Variants in DCC observed in about 807,000 individuals in gnomAD.
DCC encodes DCC netrin 1 receptor.
DCC carries 58 observed loss-of-function variants against 172.5 expected under a neutral mutation model. That is an observed-to-expected ratio of 0.34 (90% CI 0.27 to 0.42). The LOEUF is 0.42. Among genes scored for constraint, DCC ranks in the 10% least tolerant of loss-of-function variants. DCC has a pLI of 1.00. For synonymous variants in DCC, 709 were observed against 644.5 expected, an observed-to-expected ratio of 1.10 and a Z score of -1.52; for missense variants, 1,740 against 1,791.0, an observed-to-expected ratio of 0.97 and a Z score of 0.51.
chr18:52,586,760 G>A (rs180929348), intron 1 of DCC, among the ~76,000 whole-genome samples: 1 of 152,298 alleles, frequency 6.6e-6, no homozygotes, highest in South Asian at 2.1e-4. Context: ...AGCATACATG[G>A]CCTTCTGGAG....
chr18:53,047,620 T>C (rs2042274541), intron 5 of DCC, among the ~76,000 whole-genome samples: 1 of 150,634 alleles, frequency 6.6e-6, no homozygotes, highest in Non-Finnish European at 1.5e-5. Flanking sequence ...AGTCTCAAGC[T>C]TTTACACAGA....
chr18:52,392,486 T>C (rs1017945154), intron 1 of DCC, among the ~76,000 whole-genome samples: 2 of 152,144 alleles, frequency 1.3e-5, no homozygotes, highest in Non-Finnish European at 2.9e-5. Context: ...GAAAGGGTAG[T>C]ATATGTGTAA....
At chr18:52,620,085 C>A (rs188397694) in intron 1 of DCC, among the ~76,000 whole-genome samples, 1 of 152,308 alleles carries the variant, frequency 6.6e-6, no homozygotes, top group Admixed American at 6.5e-5. Context: ...CATTGGTTTT[C>A]AGATTTGCCA....
At chr18:52,516,967 A>G (rs1487873300) in intron 1 of DCC, among the ~76,000 whole-genome samples, 2 of 152,196 alleles carry the variant, frequency 1.3e-5, no homozygotes, top group Non-Finnish European at 1.5e-5. Context: ...TTTTTAACAT[A>G]AGGTAATCTG....
intron 12 of DCC, among the ~76,000 whole-genome samples, chr18:53,224,073 C>G (rs988884684): frequency 6.6e-6 from 1 of 152,176 alleles, no homozygotes. Flanking sequence ...CTAGAGCTTA[C>G]TTATATTCTA....
intron 1 of DCC, among the ~76,000 whole-genome samples, chr18:52,435,464 G>A (rs1012171779): frequency 5.3e-5 from 8 of 152,042 alleles, no homozygotes; most frequent in African/African-American, 1.2e-4. Context: ...TCAGAGCCTC[G>A]GGTGGATGGG....
At chr18:52,676,860 GT>G (rs1868624698) in intron 1 of DCC, among the ~76,000 whole-genome samples, 1 of 152,152 alleles carries the variant, frequency 6.6e-6, no homozygotes, top group Admixed American at 6.6e-5. Flanking sequence ...TGGAGATCAT[GT>G]TCCTTTTGTC....
At chr18:52,528,212 G>A (rs1191373082) in intron 1 of DCC, among the ~76,000 whole-genome samples, 2 of 152,060 alleles carry the variant, frequency 1.3e-5, no homozygotes, top group Non-Finnish European at 2.9e-5. Flanking sequence ...CATTTTCCCA[G>A]TATCTCATTA....
At chr18:53,357,783 A>C (rs576987997) in intron 15 of DCC, among the ~76,000 whole-genome samples, 13 of 152,204 alleles carry the variant, frequency 8.5e-5, no homozygotes, top group Non-Finnish European at 1.9e-4. Flanking sequence ...ATTTATGTAC[A>C]GTGCAGCAAT....
intron 1 of DCC, among the ~76,000 whole-genome samples, chr18:52,648,508 G>A (rs1160278611): frequency 1.3e-5 from 2 of 152,198 alleles, no homozygotes; most frequent in African/African-American, 2.4e-5. Context: ...TCATTCTGTA[G>A]GACTTCAATG....
intron 1 of DCC, among the ~76,000 whole-genome samples, chr18:52,751,317 GC>G (rs1340242014): frequency 1.3e-5 from 2 of 152,128 alleles, no homozygotes; most frequent in Non-Finnish European, 2.9e-5. Context: ...GATTATACTT[GC>G]TTCCTCCCCT....
chr18:53,418,648 T>A (rs1910457637), intron 21 of DCC, among the ~76,000 whole-genome samples: 1 of 152,160 alleles, frequency 6.6e-6, no homozygotes, highest in Non-Finnish European at 1.5e-5. Context: ...ATTTGACTTA[T>A]ATGAGAGAAA....
chr18:52,820,343 T>C (rs2038383725), intron 2 of DCC, among the ~76,000 whole-genome samples: 1 of 152,192 alleles, frequency 6.6e-6, no homozygotes, highest in African/African-American at 2.4e-5. Context: ...TGTATGTACA[T>C]GCATGCATTT....
chr18:52,894,793 C>T lies in DCC; in HGVS notation c.413-11251C>T, dbSNP rs538236648. Among the ~76,000 whole-genome samples, 16 of 152,236 alleles carry T rather than the reference C, an allele frequency of 1.1e-4. 1 individual carries two copies. Among genetic ancestry groups the T allele is most frequent in the African/African-American group, 3.9e-4 (16 of 41,552 alleles). On this transcript the variant is annotated intron_variant, in intron 2 of 28. Coordinates refer to ENST00000442544, the MANE Select transcript of DCC (RefSeq NM_005215.4). ...AGATGAATTTTCTTTTATTCTGCTT[C>T]TTGTTCTATTTGGGCCTTTAACGGA...
chr18:53,261,773 A>G (rs1316653167), intron 12 of DCC, among the ~76,000 whole-genome samples: 3 of 152,152 alleles, frequency 2.0e-5, no homozygotes, highest in African/African-American at 7.2e-5. Flanking sequence ...TGCTGGGATT[A>G]CAAGCGTGAG....
intron 5 of DCC, among the ~76,000 whole-genome samples, chr18:53,001,887 T>C (rs1219854149): frequency 6.6e-6 from 1 of 152,092 alleles, no homozygotes; most frequent in East Asian, 1.9e-4. Flanking sequence ...ACCTCCATTG[T>C]ATAAAAACTG....
At chr18:53,392,886 AACT>A (rs1908652921) in intron 17 of DCC, among the ~76,000 whole-genome samples, 1 of 152,206 alleles carries the variant, frequency 6.6e-6, no homozygotes, top group Non-Finnish European at 1.5e-5. Context: ...TAGAACTTAA[AACT>A]TCACAAGATA....
At chr18:52,544,065 T>C (rs1329621236) in intron 1 of DCC, among the ~76,000 whole-genome samples, 1 of 152,234 alleles carries the variant, frequency 6.6e-6, no homozygotes, top group African/African-American at 2.4e-5. Context: ...AGTAGCTGAC[T>C]GTATTTTCTT....
intron 7 of DCC, among the ~76,000 whole-genome samples, chr18:53,104,524 A>ATTT (rs1555712599): frequency 2.1e-4 from 32 of 151,838 alleles, no homozygotes; most frequent in African/African-American, 7.2e-4. Context: ...GTCCATTAAA[A>ATTT]CTTCTTCTTC....
Sources: gnomAD v4.1 joint callset for allele counts (sites outside exome capture counted in the v4.1 genomes callset) on GRCh38, gnomAD v4.1.1 for gene constraint, MANE v1.5 for transcripts, NCBI Gene and HGNC (gene_info 2026-07-23, HGNC 2026-07-21) for gene names.